The following HS6ST3 variants were observed in gnomAD, a reference collection of about 807,000 sequenced individuals.
HS6ST3 encodes heparan-sulfate 6-O-sulfotransferase 3.
A neutral mutation model predicts 36.7 loss-of-function variants in HS6ST3; 12 were observed. The ratio of observed to expected loss-of-function variants is 0.33; its 90% CI spans 0.21 to 0.53. The LOEUF (loss-of-function observed/expected upper bound fraction) is 0.53, where lower values mean the gene tolerates loss of function less well. HS6ST3 is among the 20% of genes least tolerant of loss of function. The probability of loss-of-function intolerance (pLI) is 0.95; values close to 1 mark genes in which losing one functional copy is unlikely to be tolerated. For synonymous variants in HS6ST3, 240 were observed against 257.5 expected (o/e 0.93, Z 0.65); for missense variants, 584 against 640.9 (o/e 0.91, Z 0.96).
At chr13:96,102,989 A>G (rs999544657) in intron 1 of HS6ST3, among the ~76,000 whole-genome samples, 3 of 152,196 alleles carry the variant, frequency 2.0e-5, no homozygotes, top group African/African-American at 7.2e-5. Flanking sequence ...TTTTATCGGT[A>G]CGTGTTTTTC....
At chr13:96,155,794 A>G (rs183038405) in intron 1 of HS6ST3, among the ~76,000 whole-genome samples, 1 of 152,276 alleles carries the variant, frequency 6.6e-6, no homozygotes, top group East Asian at 1.9e-4. Context: ...TTTTCCAAAG[A>G]TGTTTCTCTG....
intron 1 of HS6ST3, among the ~76,000 whole-genome samples, chr13:96,483,007 G>C (rs535412451): frequency 1.3e-3 from 195 of 152,252 alleles, no homozygotes; most frequent in African/African-American, 4.5e-3. Flanking sequence ...CTTACCTTGT[G>C]CCAGATACTA....
intron 1 of HS6ST3, among the ~76,000 whole-genome samples, chr13:96,122,023 A>G (rs2053927943): frequency 6.6e-6 from 1 of 151,988 alleles, no homozygotes; most frequent in Admixed American, 6.6e-5. Flanking sequence ...TCAATAGCTA[A>G]GAATTTAGAC....
intron 1 of HS6ST3, among the ~76,000 whole-genome samples, chr13:96,701,249 CT>C (rs1875277765): frequency 6.6e-6 from 1 of 152,196 alleles, no homozygotes; most frequent in Non-Finnish European, 1.5e-5. Context: ...CCGCCTTTCA[CT>C]TTGTTTTCAC....
intron 1 of HS6ST3, among the ~76,000 whole-genome samples, chr13:96,612,530 A>G (rs2056460335): frequency 1.3e-5 from 2 of 152,218 alleles, no homozygotes; most frequent in South Asian, 4.2e-4. Flanking sequence ...AGACTCATAT[A>G]TCCAACTGCT....
At chr13:96,211,419 C>A (rs1027433947) in intron 1 of HS6ST3, among the ~76,000 whole-genome samples, 1 of 152,148 alleles carries the variant, frequency 6.6e-6, no homozygotes, top group East Asian at 1.9e-4. Flanking sequence ...CCAGTGATAA[C>A]CCCACGACTA....
chr13:96,729,212 G>C (rs1380915809), intron 1 of HS6ST3, among the ~76,000 whole-genome samples: 2 of 152,054 alleles, frequency 1.3e-5, no homozygotes, highest in Non-Finnish European at 2.9e-5. Flanking sequence ...GTATTAAATA[G>C]AACGGCCACT....
chr13:96,517,207 CT>C (rs1345452920), intron 1 of HS6ST3, among the ~76,000 whole-genome samples: 1 of 103,010 alleles, frequency 9.7e-6, no homozygotes, highest in African/African-American at 3.1e-5. Context: ...AGGGAGACCC[CT>C]GTTCCTATTT....
At chr13:96,588,870 CA>C (rs555389440) in intron 1 of HS6ST3, among the ~76,000 whole-genome samples, 1,619 of 151,804 alleles carry the variant, frequency 0.011, 21 homozygotes, top group African/African-American at 0.025. Context: ...GCCAACATAG[CA>C]AAACCCTGTC....
chr13:96,157,981 C>T (rs953833847), intron 1 of HS6ST3, among the ~76,000 whole-genome samples: 54 of 152,024 alleles, frequency 3.6e-4, no homozygotes, highest in Middle Eastern at 3.2e-3. Context: ...ACAAAGGTAC[C>T]GTGGGTGCCG....
In HS6ST3 at chr13:96,090,969, A is replaced by C. The variant is rs969304179; in HGVS notation, c.107A>C (p.Asn36Thr). ...VSPSCTSSCT[N>T]FGEQPRAGEA... ...CCCTCCTGCACCAGCTCCTGCACCAACTTCGGGGAGCAGCCCCGCGCGGGG... is the reference window on the plus strand; with the variant it reads ...CCCTCCTGCACCAGCTCCTGCACCACCTTCGGGGAGCAGCCCCGCGCGGGG... The change falls in exon 1 of 2, where the codon AAC (asparagine) becomes ACC (threonine). Residue 36 changes from asparagine to threonine, a missense_variant. Asn to Thr is a moderately conservative substitution (Grantham distance 65). Transcript: ENST00000376705. 2 of 1,409,846 alleles carry C rather than the reference A, an allele frequency of 1.4e-6. No homozygotes were observed. The highest frequency in any genetic ancestry group is 1.7e-5 in the South Asian group (1 of 58,806). 87.3% of individuals were successfully genotyped at this position (1,409,846 alleles called of 1,614,324 possible).
intron 1 of HS6ST3, among the ~76,000 whole-genome samples, chr13:96,340,790 T>C (rs193163673): frequency 1.3e-5 from 2 of 152,384 alleles, no homozygotes; most frequent in East Asian, 3.9e-4. Flanking sequence ...GTCAGTATGT[T>C]TTTTGAATGA....
intron 1 of HS6ST3, among the ~76,000 whole-genome samples, chr13:96,444,750 A>G (rs1422942319): frequency 6.6e-6 from 1 of 152,234 alleles, no homozygotes; most frequent in Non-Finnish European, 1.5e-5. Context: ...CGTGGTATAT[A>G]AAACAGGTAT....
Position 96,433,350 on chromosome 13 carries a change from G to C in HS6ST3, c.707+341781G>C, listed in dbSNP as rs188138936. On this transcript the variant is annotated intron_variant, in intron 1 of 1. Transcript: ENST00000376705. Reference sequence around the variant, plus strand: ...ATACAGGAATTGATATGGTTTGGCTGTGTCCCCACCCAAATCTCACCTTGA... The same window carrying C: ...ATACAGGAATTGATATGGTTTGGCTCTGTCCCCACCCAAATCTCACCTTGA... Among the ~76,000 whole-genome samples the C allele has an allele frequency of 3.3e-5, 5 of 152,254 alleles. No homozygotes were observed. The East Asian group carries it at 9.7e-4, about 30-fold the overall frequency.
intron 1 of HS6ST3, among the ~76,000 whole-genome samples, chr13:96,361,541 A>C (rs576671066): frequency 6.6e-6 from 1 of 152,324 alleles, no homozygotes; most frequent in South Asian, 2.1e-4. Flanking sequence ...AGACTCAACT[A>C]TTTGAAAACA....
chr13:96,098,064 AG>A (rs1396249569), intron 1 of HS6ST3, among the ~76,000 whole-genome samples: 2 of 152,166 alleles, frequency 1.3e-5, no homozygotes, highest in African/African-American at 4.8e-5. Flanking sequence ...TGGAGACCAG[AG>A]CTTATTGGAC....
intron 1 of HS6ST3, among the ~76,000 whole-genome samples, chr13:96,098,458 A>T (rs2053802035): frequency 3.3e-5 from 5 of 152,156 alleles, no homozygotes; most frequent in African/African-American, 1.2e-4. Context: ...GAAAACAATG[A>T]CAAATTTATC....
At chr13:96,533,181 G>A (rs1012547954) in intron 1 of HS6ST3, among the ~76,000 whole-genome samples, 2 of 152,278 alleles carry the variant, frequency 1.3e-5, no homozygotes, top group Non-Finnish European at 2.9e-5. Context: ...GGAGCCAAGC[G>A]AAGAGAAACT....
At chr13:96,698,585 A>T (rs891174963) in intron 1 of HS6ST3, among the ~76,000 whole-genome samples, 12 of 152,166 alleles carry the variant, frequency 7.9e-5, no homozygotes, top group Non-Finnish European at 1.5e-4. Flanking sequence ...AGAACTGCAA[A>T]CCATTGATCA....
Sources: allele counts gnomAD v4.1 joint callset (sites outside exome capture counted in the v4.1 genomes callset), GRCh38; gene constraint gnomAD v4.1.1; transcripts MANE v1.5; gene names NCBI Gene and HGNC (gene_info 2026-07-23, HGNC 2026-07-21).